The following RGS22 variants were observed in gnomAD, a reference collection of about 807,000 sequenced individuals.
RGS22 encodes the protein regulator of G protein signaling 22.
In RGS22, 148 loss-of-function variants were observed where a neutral mutation model predicts 172.9. That is an observed-to-expected ratio of 0.86 (90% CI 0.75 to 0.98). The LOEUF (loss-of-function observed/expected upper bound fraction) is 0.98. Ranked by LOEUF, RGS22 falls within the 50% of genes least tolerant of loss-of-function variation. The pLI, the probability that RGS22 is intolerant of heterozygous loss-of-function variation, is 0.00. For missense variants in RGS22, 1,347 were observed against 1,440.8 expected, an observed-to-expected ratio of 0.93 and a Z score of 1.05; for synonymous variants, 458 against 480.2, an observed-to-expected ratio of 0.95 and a Z score of 0.60.
chr8:100,105,774 T>A, intron 1 of RGS22, 123 bp downstream of exon 1: 1 of 879,428 alleles, frequency 1.1e-6, no homozygotes. Context: ...GTGAAGCCCT[T>A]TTTTCTCATG....
chr8:99,990,005 G>A (rs1307988951), intron 20 of RGS22, among the ~76,000 whole-genome samples: 2 of 152,122 alleles, frequency 1.3e-5, no homozygotes, highest in Non-Finnish European at 2.9e-5. Flanking sequence ...CATTTGTTGA[G>A]TAATTTACTC....
In RGS22 at chr8:100,006,102, A is replaced by G. The variant is rs776030888; in HGVS notation, c.2369T>C (p.Leu790Pro). 6 of 1,611,626 alleles carry G rather than the reference A, an allele frequency of 3.7e-6. No individual in the cohort carries two copies. The East Asian group carries it at 1.3e-4, about 36-fold the overall frequency. The change falls in exon 16 of 28, where the codon CTG (leucine) becomes CCG (proline). Residue 790 changes from leucine to proline, a missense_variant. By Grantham distance (98) the Leu-to-Pro change is moderately conservative (BLOSUM62 -3). Transcript: ENST00000360863. ...GTCTAACTGTCGAGTTTCTTCCACC[A>G]GCTCCACCTAAAAAAAATAAATAAA... ...SDQIAYKKVE[L>P]VEETRQLDST...
chr8:99,964,348 G>A (rs1810506256), intron 24 of RGS22, among the ~76,000 whole-genome samples: 1 of 151,952 alleles, frequency 6.6e-6, no homozygotes, highest in South Asian at 2.1e-4. Context: ...CAGCTACTTG[G>A]GAGGCTGAAG....
intron 3 of RGS22, among the ~76,000 whole-genome samples, chr8:100,083,218 C>T (rs1003754829): frequency 6.6e-6 from 1 of 152,176 alleles, no homozygotes; most frequent in African/African-American, 2.4e-5. Context: ...GCAGAACCAT[C>T]ACCACACTCT....
chr8:100,051,610 T>C (rs546289133), intron 10 of RGS22, among the ~76,000 whole-genome samples: 2,303 of 56,416 alleles, frequency 0.041, 1,103 homozygotes, highest in Admixed American at 0.051. Flanking sequence ...TATTTATATA[T>C]GTTTATACAT....
chr8:100,047,591 T>C lies in RGS22; in HGVS notation c.1695A>G (p.Glu565=), dbSNP rs1415711643. 4.4e-6 allele frequency: 7 copies of C among 1,606,546 alleles called. No individual in the cohort carries two copies. Among genetic ancestry groups the C allele is most frequent in the Non-Finnish European group, 5.9e-6 (7 of 1,177,746 alleles). The change falls in exon 11 of 28, where the codon GAA becomes GAG. Residue 565 remains glutamate, a synonymous_variant. Coordinates refer to ENST00000360863, the MANE Select transcript of RGS22 (RefSeq NM_015668.5). ...TAGGAGGTTGTGATAAGCTGAATTC[T>C]TCTTTCTAAAAGATGGTAACATAAG... is the stretch of plus-strand genomic sequence containing the variant. ...CIPQIPEIQK[E]EFSLSQPPKS...
At chr8:99,977,700 A>T (rs955438715) in intron 23 of RGS22, among the ~76,000 whole-genome samples, 1 of 152,200 alleles carries the variant, frequency 6.6e-6, no homozygotes, top group African/African-American at 2.4e-5. Flanking sequence ...GCGTTGCCAC[A>T]GAGAGTCAAG....
rs769630128 is a variant in RGS22, at chr8:100,040,069, C to T, written c.1957G>A (p.Val653Ile). The T allele has an allele frequency of 6.2e-7, 1 of 1,609,414 alleles. No homozygotes were observed. Among genetic ancestry groups the T allele is most frequent in the East Asian group, 2.2e-5 (1 of 44,526 alleles). Reference sequence around the variant, plus strand: ...ATGTCAGATCCTCCCAAGGCACCAACATCTGACACGGTTTTAACCTAGATA... The same window carrying T: ...ATGTCAGATCCTCCCAAGGCACCAATATCTGACACGGTTTTAACCTAGATA... ...EEPRVKTVSD[V>I]GALGGSDMEN... Residue 653 changes from valine to isoleucine, a missense_variant, in exon 13 of 28, where the codon GTT (valine) becomes ATT (isoleucine). Val to Ile is a conservative substitution (Grantham distance 29). Coordinates refer to ENST00000360863, the MANE Select transcript of RGS22 (RefSeq NM_015668.5).
intron 8 of RGS22, 44 bp downstream of exon 8, chr8:100,063,372 T>A: frequency 7.2e-7 from 1 of 1,383,362 alleles, no homozygotes; most frequent in South Asian, 1.6e-5. Flanking sequence ...TTAATATTCA[T>A]AATTTGTTTT....
intron 1 of RGS22, 109 bp downstream of exon 1, chr8:100,105,788 G>C: frequency 8.3e-6 from 8 of 963,506 alleles, no homozygotes; most frequent in Non-Finnish European, 1.2e-5. Flanking sequence ...TCTCATGTCT[G>C]GGAGCGGGGA....
At chr8:100,084,742 C>T (rs1342764936) in intron 3 of RGS22, among the ~76,000 whole-genome samples, 4 of 152,118 alleles carry the variant, frequency 2.6e-5, no homozygotes, top group African/African-American at 9.7e-5. Context: ...TTCATTTTAC[C>T]AATAGCAAAA....
intron 14 of RGS22, among the ~76,000 whole-genome samples, chr8:100,016,978 CTTTTTTTTTTTTTT>C (rs71274949): frequency 1.5e-3 from 53 of 36,130 alleles, no homozygotes; most frequent in South Asian, 8.0e-3. Flanking sequence ...CCTTACCAGT[CTTTTTTTTTTTTTT>C]TTTTTTTTTT....
intron 11 of RGS22, among the ~76,000 whole-genome samples, chr8:100,043,947 G>A (rs1350096588): frequency 6.6e-6 from 1 of 152,160 alleles, no homozygotes; most frequent in African/African-American, 2.4e-5. Context: ...ACTTAGGAAT[G>A]AAGAACTATA....
intron 20 of RGS22, among the ~76,000 whole-genome samples, chr8:99,994,921 T>C (rs1321439408): frequency 6.6e-6 from 1 of 152,064 alleles, no homozygotes; most frequent in African/African-American, 2.4e-5. Context: ...AATAGAGATA[T>C]AGACCAATGG....
intron 20 of RGS22, among the ~76,000 whole-genome samples, 190 bp from the exon 21 acceptor site, chr8:99,987,809 A>C (rs1034446344): frequency 3.2e-4 from 48 of 152,260 alleles, no homozygotes; most frequent in African/African-American, 1.1e-3. Flanking sequence ...AGGTAGAGTG[A>C]AAAAGAAATG....
chr8:99,999,158 T>TA (rs754246728), intron 19 of RGS22, 104 bp downstream of exon 19: 167,114 of 864,782 alleles, frequency 0.19, 1,408 homozygotes, highest in South Asian at 0.23. Flanking sequence ...GCCCATTCCT[T>TA]AAAAAAAAAA....
intron 7 of RGS22, among the ~76,000 whole-genome samples, chr8:100,065,563 GT>G (rs1810480383): frequency 6.6e-6 from 1 of 152,006 alleles, no homozygotes; most frequent in Non-Finnish European, 1.5e-5. Context: ...TCACACTTAA[GT>G]TTTTTTCTCT....
intron 10 of RGS22, among the ~76,000 whole-genome samples, chr8:100,051,959 T>TTATA (rs1258174156): frequency 8.9e-5 from 3 of 33,672 alleles, no homozygotes; most frequent in Non-Finnish European, 1.4e-4. Context: ...ATATAAATGT[T>TTATA]TATATATATT....
chr8:100,068,934 C>CA (rs11313965), intron 6 of RGS22, among the ~76,000 whole-genome samples: 64 of 120,618 alleles, frequency 5.3e-4, no homozygotes, highest in South Asian at 1.6e-3. Context: ...GACCCTGTCT[C>CA]AAAAAAAAAA....
Sources: allele counts gnomAD v4.1 joint callset (sites outside exome capture counted in the v4.1 genomes callset), GRCh38; gene constraint gnomAD v4.1.1; transcripts MANE v1.5; gene names NCBI Gene and HGNC (gene_info 2026-07-23, HGNC 2026-07-21).